The following RANBP17 variants were observed in gnomAD, a reference collection of about 807,000 sequenced individuals.
The protein encoded by RANBP17 is ran-binding protein 17.
A neutral mutation model predicts 141.2 loss-of-function variants in RANBP17; 158 were observed. The observed-to-expected ratio is 1.12, with a 90% CI of 0.98 to 1.28. The LOEUF is 1.28. Among genes scored for constraint, RANBP17 ranks in the 50% most tolerant of loss-of-function variants. RANBP17 has a pLI of 0.00. For missense variants in RANBP17, 1,438 were observed against 1,290.7 expected, an observed-to-expected ratio of 1.11 and a Z score of -1.75; for synonymous variants, 430 against 450.0, an observed-to-expected ratio of 0.96 and a Z score of 0.56.
At chr5:171,137,573 T>G (rs1008347556) in intron 14 of RANBP17, among the ~76,000 whole-genome samples, 6 of 4,506 alleles carry the variant, frequency 1.3e-3, no homozygotes, top group African/African-American at 2.3e-3. Flanking sequence ...TGACTTGAGA[T>G]GTGTGTGTGT....
intron 25 of RANBP17, among the ~76,000 whole-genome samples, chr5:171,274,149 T>TGTGCGC (rs34291143): frequency 1.0e-3 from 133 of 126,790 alleles, no homozygotes; most frequent in African/African-American, 1.8e-3. Flanking sequence ...TGTGTGTGTG[T>TGTGCGC]GCGCGCGCGC....
At chr5:171,137,571 G>GGGGTGTGT (rs757634108) in intron 14 of RANBP17, among the ~76,000 whole-genome samples, 11 of 63,044 alleles carry the variant, frequency 1.7e-4, no homozygotes, top group African/African-American at 3.9e-4. Flanking sequence ...GTTGACTTGA[G>GGGGTGTGT]ATGTGTGTGT....
intron 22 of RANBP17, among the ~76,000 whole-genome samples, chr5:171,237,037 C>G (rs1481270492): frequency 6.6e-6 from 1 of 151,994 alleles, no homozygotes; most frequent in Admixed American, 6.6e-5. Context: ...GTCAGTCACT[C>G]AGCAAAAAGG....
chr5:170,870,733 C>T (rs2879356), intron 1 of RANBP17, among the ~76,000 whole-genome samples: 91,249 of 151,972 alleles, frequency 0.6, 29,133 homozygotes, highest in South Asian at 0.88. Context: ...TGAGTATATA[C>T]CCAGTAATGA....
chr5:171,138,296 A>T (rs1224082613), intron 14 of RANBP17, among the ~76,000 whole-genome samples: 1 of 152,178 alleles, frequency 6.6e-6, no homozygotes, highest in Non-Finnish European at 1.5e-5. Context: ...ATAGCCAGAA[A>T]TGTAAGCAGA....
At chr5:171,045,468 C>T (rs1053835800) in intron 14 of RANBP17, among the ~76,000 whole-genome samples, 13 of 151,986 alleles carry the variant, frequency 8.6e-5, no homozygotes, top group African/African-American at 3.1e-4. Context: ...GTGAAAAACT[C>T]GATCCTCATT....
At chr5:171,082,840 G>A (rs892889649) in intron 14 of RANBP17, among the ~76,000 whole-genome samples, 1 of 150,900 alleles carries the variant, frequency 6.6e-6, no homozygotes, top group African/African-American at 2.4e-5. Flanking sequence ...TGTAACCTTA[G>A]ATAGACTGTA....
intron 14 of RANBP17, among the ~76,000 whole-genome samples, chr5:171,079,176 T>C (rs1314787152): frequency 6.6e-6 from 1 of 152,152 alleles, no homozygotes; most frequent in African/African-American, 2.4e-5. Flanking sequence ...GGATCGGAAA[T>C]AACTGCAGAT....
At chr5:170,863,538 C>T (rs1343883543) in intron 1 of RANBP17, 1 of 152,094 alleles carries the variant, frequency 6.6e-6, no homozygotes, top group Non-Finnish European at 1.5e-5. Context: ...TCTAAGGGTC[C>T]TCAGGTCAAA....
chr5:171,163,004 T>C (rs1201049426), intron 14 of RANBP17, among the ~76,000 whole-genome samples: 2 of 152,216 alleles, frequency 1.3e-5, no homozygotes, highest in African/African-American at 2.4e-5. Flanking sequence ...GATATTCTAA[T>C]TGAAATAAAT....
rs148122231 is a variant in RANBP17, at chr5:170,915,340, A to C, written c.834+1100A>C. On this transcript the variant is annotated intron_variant, in intron 8 of 27. Coordinates refer to ENST00000523189, the MANE Select transcript of RANBP17 (RefSeq NM_022897.5). ...AAGGTAAATGATAAAAATCCCTACT[A>C]TGTAGACCCAGAAAAACAGAAAACA... is the stretch of plus-strand genomic sequence containing the variant. Among the ~76,000 whole-genome samples the C allele has an allele frequency of 1.5e-4, 23 of 152,234 alleles. No homozygotes were observed. In the East Asian group the frequency reaches 4.0e-3, roughly 27 times the overall value.
rs118026645 is a variant in RANBP17 at position 171,224,820 on chromosome 5, T to C, written c.2422+2980T>C. ...ACTAATAGTATTGGTAGCTTTCACT[T>C]TGTTATAAGCTTTTATAGTCCTATA... On this transcript the variant is annotated intron_variant, in intron 22 of 27. Transcript: ENST00000523189. 1.7e-4 allele frequency among the ~76,000 whole-genome samples: 26 copies of C among 152,328 alleles called. No homozygotes were observed. The East Asian group carries it at 4.4e-3, about 26-fold the overall frequency.
chr5:171,277,938 C>CTTTTTTTTTTTTTTTTT (rs140208253), intron 25 of RANBP17, among the ~76,000 whole-genome samples: 4 of 72,266 alleles, frequency 5.5e-5, no homozygotes, highest in African/African-American at 1.1e-4. Context: ...GGACTTCTTT[C>CTTTTTTTTTTTTTTTTT]TTTTTTTTTT....
At chr5:171,011,268 TAAG>T (rs1187334609) in intron 14 of RANBP17, among the ~76,000 whole-genome samples, 1 of 152,116 alleles carries the variant, frequency 6.6e-6, no homozygotes, top group Non-Finnish European at 1.5e-5. Flanking sequence ...TGCCATCACA[TAAG>T]AATGTGAATA....
At chr5:171,148,619 G>T (rs1297768288) in intron 14 of RANBP17, among the ~76,000 whole-genome samples, 2 of 151,958 alleles carry the variant, frequency 1.3e-5, no homozygotes, top group Admixed American at 1.3e-4. Context: ...TATATATAGA[G>T]AGAGAGAGAG....
At chr5:171,160,296 C>G (rs1182890179) in intron 14 of RANBP17, among the ~76,000 whole-genome samples, 3 of 152,098 alleles carry the variant, frequency 2.0e-5, no homozygotes, top group African/African-American at 7.2e-5. Context: ...CATTAAGACC[C>G]TCTCCCCTCT....
chr5:171,211,628 G>GTTTTTT (rs1226824979), intron 20 of RANBP17, among the ~76,000 whole-genome samples: 1 of 126,132 alleles, frequency 7.9e-6, no homozygotes, highest in Admixed American at 8.0e-5. Context: ...TGAGGGCAGG[G>GTTTTTT]TTTTTTTTTT....
intron 14 of RANBP17, among the ~76,000 whole-genome samples, chr5:171,033,868 T>C (rs946166188): frequency 6.6e-6 from 1 of 152,254 alleles, no homozygotes; most frequent in African/African-American, 2.4e-5. Context: ...CTCAATCTCA[T>C]TGTGATTTGA....
chr5:171,063,955 A>C (rs1381878154), intron 14 of RANBP17, among the ~76,000 whole-genome samples: 1 of 152,150 alleles, frequency 6.6e-6, no homozygotes, highest in African/African-American at 2.4e-5. Flanking sequence ...TGGGCGTAGG[A>C]CCCTCCAAGC....
Sources: gnomAD v4.1 joint callset for allele counts (sites outside exome capture counted in the v4.1 genomes callset) on GRCh38, gnomAD v4.1.1 for gene constraint, MANE v1.5 for transcripts, NCBI Gene and HGNC (gene_info 2026-07-23, HGNC 2026-07-21) for gene names.